AGBL4: variants seen among roughly 807,000 people sequenced by gnomAD.
The protein encoded by AGBL4 is AGBL carboxypeptidase 4, also known as cytosolic carboxypeptidase 6.
AGBL4 carries 58 observed loss-of-function variants against 66.4 expected under a neutral mutation model. The observed-to-expected ratio is 0.87, with a 90% confidence interval of 0.71 to 1.09. The LOEUF (loss-of-function observed/expected upper bound fraction) is 1.09. Ranked by LOEUF, AGBL4 falls within the 50% of genes least tolerant of loss-of-function variation. The pLI is 0.00. For synonymous variants in AGBL4, 234 were observed against 222.9 expected (o/e 1.05, Z -0.44); for missense variants, 579 against 631.0 (o/e 0.92, Z 0.88).
At chr1:49,301,832 A>G (rs1644750186) in intron 3 of AGBL4, among the ~76,000 whole-genome samples, 1 of 152,142 alleles carries the variant, frequency 6.6e-6, no homozygotes, top group Non-Finnish European at 1.5e-5. Context: ...AGACATTTTC[A>G]GCACTGTTGT....
intron 2 of AGBL4, among the ~76,000 whole-genome samples, chr1:49,703,720 C>G (rs1377398644): frequency 2.0e-5 from 3 of 151,748 alleles, no homozygotes; most frequent in Non-Finnish European, 2.9e-5. Context: ...TATTGCAATA[C>G]AGCAAGAAAA....
intron 3 of AGBL4, among the ~76,000 whole-genome samples, chr1:49,437,564 T>C (rs962759032): frequency 6.6e-6 from 1 of 152,148 alleles, no homozygotes; most frequent in Non-Finnish European, 1.5e-5. Flanking sequence ...TTCTGCCTAC[T>C]TTGGTCGAGT....
At chr1:49,129,114 A>G (rs2148063055) in intron 4 of AGBL4, among the ~76,000 whole-genome samples, 1 of 152,132 alleles carries the variant, frequency 6.6e-6, no homozygotes, top group African/African-American at 2.4e-5. Flanking sequence ...GCTTACTATC[A>G]TCAGGCACTA....
intron 4 of AGBL4, among the ~76,000 whole-genome samples, chr1:49,141,227 G>A (rs539170991): frequency 6.6e-6 from 1 of 152,190 alleles, no homozygotes; most frequent in East Asian, 1.9e-4. Flanking sequence ...AAATGAATTA[G>A]AGACTGAAAA....
In AGBL4 at chr1:49,405,562, GC is replaced by G. The variant is rs1432509438; in HGVS notation, c.283-159699del. ...AAAAAACCATGCTGCCACTGCTGCTGCTCCCCATGCCGTTCCCTCCAGCTTC... is the reference window on the plus strand; with the variant it reads ...AAAAAACCATGCTGCCACTGCTGCTGTCCCCATGCCGTTCCCTCCAGCTTC... On this transcript the variant is annotated intron_variant, in intron 3 of 13. Transcript: ENST00000371839. Among the ~76,000 whole-genome samples, 17 of 152,260 alleles carry G rather than the reference GC, an allele frequency of 1.1e-4. 1 individual carries two copies. The East Asian group carries it at 3.3e-3, about 29-fold the overall frequency.
At chr1:49,605,063 T>G (rs1645038137) in intron 3 of AGBL4, among the ~76,000 whole-genome samples, 1 of 152,172 alleles carries the variant, frequency 6.6e-6, no homozygotes, top group African/African-American at 2.4e-5. Context: ...AGATATTTTA[T>G]CTCTACATTA....
chr1:49,852,754 G>A (rs1007503994), intron 1 of AGBL4, among the ~76,000 whole-genome samples: 5 of 152,124 alleles, frequency 3.3e-5, no homozygotes, highest in African/African-American at 1.2e-4. Flanking sequence ...CCTCTTTCCA[G>A]GTCATTTGTG....
At chr1:49,648,610 G>C (rs1645938751) in intron 3 of AGBL4, among the ~76,000 whole-genome samples, 2 of 151,708 alleles carry the variant, frequency 1.3e-5, no homozygotes, top group Admixed American at 6.6e-5. Flanking sequence ...AATCCAAAAA[G>C]AATACAGAGG....
intron 5 of AGBL4, among the ~76,000 whole-genome samples, chr1:48,906,282 A>T (rs1313281533): frequency 6.6e-6 from 1 of 152,124 alleles, no homozygotes; most frequent in Non-Finnish European, 1.5e-5. Context: ...AGAAAATAAA[A>T]CTCCTCTTGG....
At chr1:49,801,584 C>T (rs958475921) in intron 2 of AGBL4, among the ~76,000 whole-genome samples, 4 of 152,096 alleles carry the variant, frequency 2.6e-5, no homozygotes, top group African/African-American at 9.7e-5. Context: ...TGAATACATC[C>T]CTGAGGATCT....
chr1:49,696,091 T>C (rs986434514), intron 3 of AGBL4, among the ~76,000 whole-genome samples: 1 of 152,054 alleles, frequency 6.6e-6, no homozygotes, highest in African/African-American at 2.4e-5. Flanking sequence ...TTTTCCCAAA[T>C]ATACTAGCAA....
At chr1:49,156,038 T>A (rs2148129051) in intron 4 of AGBL4, among the ~76,000 whole-genome samples, 1 of 152,328 alleles carries the variant, frequency 6.6e-6, no homozygotes, top group Admixed American at 6.5e-5. Flanking sequence ...GAATACCAAC[T>A]AAGTGTCAGG....
chr1:49,004,495 A>G (rs950267254), intron 5 of AGBL4, among the ~76,000 whole-genome samples: 1 of 152,212 alleles, frequency 6.6e-6, no homozygotes, highest in African/African-American at 2.4e-5. Flanking sequence ...CGCAGCCCCT[A>G]TGGTATTATT....
chr1:49,636,019 G>C (rs1468480442), intron 3 of AGBL4, among the ~76,000 whole-genome samples: 6 of 152,126 alleles, frequency 3.9e-5, no homozygotes, highest in Admixed American at 3.9e-4. Context: ...TTCCCCACAG[G>C]ACATTTGCTG....
At chr1:49,555,021 G>T (rs190961110) in intron 3 of AGBL4, among the ~76,000 whole-genome samples, 1 of 152,192 alleles carries the variant, frequency 6.6e-6, no homozygotes, top group African/African-American at 2.4e-5. Flanking sequence ...AAGAGCAAAA[G>T]AACAAAGCTT....
At chr1:49,408,036 G>C (rs1444131239) in intron 3 of AGBL4, among the ~76,000 whole-genome samples, 1 of 152,104 alleles carries the variant, frequency 6.6e-6, no homozygotes, top group Non-Finnish European at 1.5e-5. Flanking sequence ...ACCCCATTTA[G>C]ACAACTGACT....
At chr1:49,836,651 G>A (rs539109121) in intron 2 of AGBL4, among the ~76,000 whole-genome samples, 9 of 152,292 alleles carry the variant, frequency 5.9e-5, no homozygotes, top group Admixed American at 1.3e-4. Context: ...TGGAGGAGAA[G>A]AGGTGTTCTG....
At chr1:48,728,469 T>A (rs1419873542) in intron 6 of AGBL4, among the ~76,000 whole-genome samples, 1 of 146,780 alleles carries the variant, frequency 6.8e-6, no homozygotes, top group African/African-American at 2.5e-5. Context: ...GCCCACTCTA[T>A]CATTCTGACT....
intron 3 of AGBL4, among the ~76,000 whole-genome samples, chr1:49,559,405 TGTGATG>T (rs1643980660): frequency 6.6e-6 from 1 of 152,142 alleles, no homozygotes; most frequent in African/African-American, 2.4e-5. Flanking sequence ...GCTTAAATTA[TGTGATG>T]GTTAATATTA....
Sources: gnomAD v4.1 joint callset for allele counts (sites outside exome capture counted in the v4.1 genomes callset) on GRCh38, gnomAD v4.1.1 for gene constraint, MANE v1.5 for transcripts, NCBI Gene and HGNC (gene_info 2026-07-23, HGNC 2026-07-21) for gene names.